DENND2C: variants seen among roughly 807,000 people sequenced by gnomAD.
The protein encoded by DENND2C is DENN domain containing 2C.
A neutral mutation model predicts 112.4 loss-of-function variants in DENND2C; 72 were observed. The ratio of observed to expected loss-of-function variants is 0.64; its 90% CI spans 0.53 to 0.78. DENND2C has a LOEUF of 0.78. Ranked by LOEUF, DENND2C falls within the 30% of genes least tolerant of loss-of-function variation. The pLI is 0.00. For missense variants in DENND2C, 992 were observed against 1,113.8 expected (o/e 0.89, Z 1.56); for synonymous variants, 329 against 381.6 (o/e 0.86, Z 1.61).
At chr1:114,662,850 A>T (rs1333590641) in intron 1 of DENND2C, among the ~76,000 whole-genome samples, 2 of 152,060 alleles carry the variant, frequency 1.3e-5, no homozygotes, top group Non-Finnish European at 2.9e-5. Flanking sequence ...ATGCGAGCTA[A>T]CTGGGAGGCT....
chr1:114,623,049 T>C lies in DENND2C; in HGVS notation c.994A>G (p.Met332Val). 7 of 1,613,330 alleles carry C rather than the reference T, an allele frequency of 4.3e-6. No individual in the cohort carries two copies. The highest frequency in any genetic ancestry group is 2.2e-5 in the East Asian group (1 of 44,834). The change falls in exon 6 of 21, where the codon ATG (methionine) becomes GTG (valine). Residue 332 changes from methionine to valine, a missense_variant. Physicochemically the swap from Met to Val is conservative, Grantham distance 21. Coordinates refer to ENST00000393274, the MANE Select transcript of DENND2C (RefSeq NM_001256404.2). ...TTCCATGCTGAAGGGGATCTCCACA[T>C]AGGTAAAGGCTGCACTGGAATATCT... ...YEDIPVQPLP[M>V]WRSPSAWKLP...
In DENND2C at chr1:114,599,296, A is replaced by G; in HGVS notation, c.2261T>C (p.Leu754Pro). Residue 754 changes from leucine to proline, a missense_variant, in exon 16 of 21, where the codon CTC becomes CCC. Leu to Pro is a moderately conservative substitution (Grantham distance 98). Coordinates refer to ENST00000393274, the MANE Select transcript of DENND2C (RefSeq NM_001256404.2). ...CACCTCTTCAATGGGTAGGTCCTGG[A>G]GCTGTGGTAAGGAGCAAGACAGGAT... ...IGILSCSLPQ[L>P]QDLPIEEVLI... The G allele has an allele frequency of 6.2e-6, 10 of 1,613,220 alleles. No individual in the cohort carries two copies. The highest frequency in any genetic ancestry group is 8.5e-6 in the Non-Finnish European group (10 of 1,179,412).
intron 3 of DENND2C, among the ~76,000 whole-genome samples, chr1:114,637,838 T>A (rs991967227): frequency 2.6e-5 from 4 of 152,072 alleles, no homozygotes; most frequent in Non-Finnish European, 5.9e-5. Flanking sequence ...TTTGTTACTA[T>A]AAAAAATTAT....
In DENND2C at chr1:114,611,062, G is replaced by C. The variant is rs748474545; in HGVS notation, c.1369+11C>G. On this transcript the variant is annotated intron_variant, in intron 9 of 20. Coordinates refer to ENST00000393274, the MANE Select transcript of DENND2C (RefSeq NM_001256404.2). ...TCACAACAACGGGAGCAGCCCCATT[G>C]ACTCACTCACTCTTTGGCAGATACT... 9.3e-6 allele frequency: 15 copies of C among 1,613,996 alleles called. No individual in the cohort carries two copies. The African/African-American group carries it at 1.9e-4, about 20-fold the overall frequency.
intron 3 of DENND2C, among the ~76,000 whole-genome samples, chr1:114,632,087 CTG>C (rs1461565004): frequency 6.6e-6 from 1 of 152,048 alleles, no homozygotes; most frequent in Non-Finnish European, 1.5e-5. Context: ...GCAATAGAAA[CTG>C]TTTTTAAAAA....
At chr1:114,644,008 T>C (rs542504407) in intron 3 of DENND2C, among the ~76,000 whole-genome samples, 23 of 152,330 alleles carry the variant, frequency 1.5e-4, no homozygotes, top group South Asian at 1.2e-3. Flanking sequence ...TAACGGGTAC[T>C]ACTGGAGGGT....
intron 17 of DENND2C, chr1:114,595,384 G>A (rs1655313743): frequency 6.5e-6 from 1 of 153,504 alleles, no homozygotes; most frequent in South Asian, 2.0e-4. Context: ...GGAGGCTGAG[G>A]CAGGAGAATG....
chr1:114,617,279 G>GT (rs1655997424), intron 8 of DENND2C, among the ~76,000 whole-genome samples: 1 of 152,042 alleles, frequency 6.6e-6, no homozygotes, highest in South Asian at 2.1e-4. Context: ...AACAATGTAA[G>GT]TTTTATCTAG....
intron 1 of DENND2C, among the ~76,000 whole-genome samples, chr1:114,665,542 C>T (rs537659292): frequency 1.3e-5 from 2 of 152,202 alleles, no homozygotes; most frequent in African/African-American, 2.4e-5. Context: ...GGGTTACATT[C>T]GGATAAACCC....
At chr1:114,649,435 T>C (rs765377480) in intron 2 of DENND2C, among the ~76,000 whole-genome samples, 4 of 151,920 alleles carry the variant, frequency 2.6e-5, no homozygotes, top group Non-Finnish European at 4.4e-5. Flanking sequence ...AGAGGCACGG[T>C]GTGATCATAG....
chr1:114,666,790 T>A (rs1346183552), intron 1 of DENND2C, among the ~76,000 whole-genome samples: 1 of 152,192 alleles, frequency 6.6e-6, no homozygotes, highest in East Asian at 1.9e-4. Context: ...GTCTGTAATG[T>A]TATCTTATAT....
intron 3 of DENND2C, among the ~76,000 whole-genome samples, chr1:114,635,963 G>A (rs1028096860): frequency 2.6e-5 from 4 of 151,506 alleles, no homozygotes; most frequent in Non-Finnish European, 2.9e-5. Flanking sequence ...CCAAGATCAC[G>A]CCTCTGCACT....
chr1:114,665,025 C>T (rs1169458697), intron 1 of DENND2C, among the ~76,000 whole-genome samples: 1 of 151,674 alleles, frequency 6.6e-6, no homozygotes, highest in Admixed American at 6.6e-5. Flanking sequence ...ACCTGGGAGG[C>T]AGAGGTTGCA....
Position 114,626,008 on chromosome 1 carries a change from G to A in DENND2C, c.-24C>T. 6.3e-7 allele frequency: 1 copy of A among 1,577,846 alleles called. No individual in the cohort carries two copies. The highest frequency in any genetic ancestry group is 1.1e-5 in the South Asian group (1 of 87,174). On this transcript the variant is annotated 5_prime_UTR_variant, in exon 4 of 21. Transcript: ENST00000393274. Reference sequence around the variant, plus strand: ...ATGTTCCCAACTGGGTGAATGACAAGTGATGAATCTTACAAAGGTTCCATT... The same window carrying A: ...ATGTTCCCAACTGGGTGAATGACAAATGATGAATCTTACAAAGGTTCCATT...
chr1:114,635,178 G>A (rs974046205), intron 3 of DENND2C, among the ~76,000 whole-genome samples: 1 of 151,994 alleles, frequency 6.6e-6, no homozygotes, highest in Middle Eastern at 3.2e-3. Context: ...TGCATAAAAT[G>A]TACCAACCTT....
In DENND2C at chr1:114,625,937, G is replaced by A. The variant is rs762446232; in HGVS notation, c.48C>T (p.Ser16=). 8.1e-6 allele frequency: 13 copies of A among 1,613,820 alleles called. No homozygotes were observed. The highest frequency in any genetic ancestry group is 8.5e-6 in the Non-Finnish European group (10 of 1,179,986). The change falls in exon 4 of 21, where the codon AGC becomes AGT. Residue 16 remains serine (S), a synonymous_variant. Transcript: ENST00000393274. The part of the protein sequence containing the change: ...SRTTVQTLSR[S]HCKNIKQKIS... ...TTTTTTGTTTGATGTTTTTGCAGTG[G>A]CTTCTTGACAGTGTCTGAACAGTAG...
At chr1:114,645,862 T>C (rs1417109614) in intron 2 of DENND2C, among the ~76,000 whole-genome samples, 2 of 152,184 alleles carry the variant, frequency 1.3e-5, no homozygotes, top group Non-Finnish European at 2.9e-5. Context: ...CATTAAGTAA[T>C]AATTGATATA....
chr1:114,595,012 T>C (rs1221683579), intron 17 of DENND2C, among the ~76,000 whole-genome samples: 5 of 152,194 alleles, frequency 3.3e-5, no homozygotes, highest in African/African-American at 4.8e-5. Flanking sequence ...TCCTTTCCAC[T>C]TCAATATTCA....
intron 3 of DENND2C, among the ~76,000 whole-genome samples, chr1:114,628,319 CAAA>C (rs760000537): frequency 1.1e-4 from 8 of 71,912 alleles, no homozygotes; most frequent in Admixed American, 1.7e-4. Context: ...GACCCCAACT[CAAA>C]AAAAAAAAAA....
Sources: gnomAD v4.1 joint callset for allele counts (sites outside exome capture counted in the v4.1 genomes callset) on GRCh38, gnomAD v4.1.1 for gene constraint, MANE v1.5 for transcripts, NCBI Gene and HGNC (gene_info 2026-07-23, HGNC 2026-07-21) for gene names.